Variants in SPAG9 observed in about 807,000 individuals in gnomAD.
SPAG9 encodes the protein sperm associated antigen 9, also known as C-Jun-amino-terminal kinase-interacting protein 4.
In SPAG9, 35 loss-of-function variants were observed where a neutral mutation model predicts 166.5. That is an observed-to-expected ratio of 0.21 (90% CI 0.16 to 0.28). The LOEUF (loss-of-function observed/expected upper bound fraction) is 0.28. SPAG9 is among the 10% of genes least tolerant of loss of function. The pLI, the probability that SPAG9 is intolerant of heterozygous loss-of-function variation, is 1.00. For missense variants in SPAG9, 1,235 were observed against 1,603.3 expected, an observed-to-expected ratio of 0.77 and a Z score of 3.92; for synonymous variants, 534 against 565.5, an observed-to-expected ratio of 0.94 and a Z score of 0.79.
chr17:50,994,177 G>A (rs1045607253), intron 18 of SPAG9, among the ~76,000 whole-genome samples: 1 of 152,164 alleles, frequency 6.6e-6, no homozygotes, highest in African/African-American at 2.4e-5. Flanking sequence ...TTAATCATGG[G>A]GGCCAGTCTT....
intron 6 of SPAG9, among the ~76,000 whole-genome samples, chr17:51,027,973 G>A (rs2046249595): frequency 6.6e-6 from 1 of 151,922 alleles, no homozygotes; most frequent in Non-Finnish European, 1.5e-5. Context: ...AGATGTGGAG[G>A]TGGAAGATAC....
At chr17:51,041,952 G>A (rs1598067349) in intron 4 of SPAG9, among the ~76,000 whole-genome samples, 1 of 152,192 alleles carries the variant, frequency 6.6e-6, no homozygotes, top group Non-Finnish European at 1.5e-5. Flanking sequence ...GTGGTCTGGA[G>A]AAGAGCTGCT....
At chr17:51,095,817 T>C (rs2048602501) in intron 1 of SPAG9, among the ~76,000 whole-genome samples, 1 of 133,352 alleles carries the variant, frequency 7.5e-6, no homozygotes, top group Admixed American at 8.4e-5. Flanking sequence ...GTGAGATATA[T>C]ATAGGGAGAG....
chr17:50,983,764 T>C (rs1974824847), intron 24 of SPAG9, among the ~76,000 whole-genome samples: 1 of 152,216 alleles, frequency 6.6e-6, no homozygotes, highest in African/African-American at 2.4e-5. Context: ...AAATGCTCTG[T>C]GTTTCAGTTT....
At chr17:51,056,506 G>C (rs909891772) in intron 2 of SPAG9, 24 bp from the exon 3 acceptor site, 3 of 1,436,744 alleles carry the variant, frequency 2.1e-6, no homozygotes, top group Non-Finnish European at 2.9e-6. Context: ...ACATACACTT[G>C]ATCAAAACAA....
At chr17:50,999,990 C>A (rs1053522952) in intron 13 of SPAG9, among the ~76,000 whole-genome samples, 1 of 152,136 alleles carries the variant, frequency 6.6e-6, no homozygotes, top group South Asian at 2.1e-4. Context: ...AGCCAACATG[C>A]CTGAATGATA....
At chr17:50,970,990 A>T (rs1371480777) in intron 28 of SPAG9, 134 bp from the exon 29 acceptor site, 2 of 711,844 alleles carry the variant, frequency 2.8e-6, no homozygotes, top group African/African-American at 1.8e-5. Flanking sequence ...GGGAAGCTAG[A>T]AGGCTCTGCA....
At chr17:51,109,651 C>T (rs564591553) in intron 1 of SPAG9, among the ~76,000 whole-genome samples, 2 of 152,266 alleles carry the variant, frequency 1.3e-5, no homozygotes, top group East Asian at 1.9e-4. Context: ...ATAACTGACA[C>T]ATACTGTGCT....
At chr17:51,099,759 TAAAAAAAAAAA>T (rs58721041) in intron 1 of SPAG9, among the ~76,000 whole-genome samples, 6 of 43,654 alleles carry the variant, frequency 1.4e-4, no homozygotes, top group Non-Finnish European at 1.9e-4. Flanking sequence ...CTTCTATTAC[TAAAAAAAAAAA>T]AAAAAAAAAA....
At chr17:51,006,047 C>A in intron 11 of SPAG9, 38 bp downstream of exon 11, 1 of 1,607,570 alleles carries the variant, frequency 6.2e-7, no homozygotes, top group Non-Finnish European at 8.5e-7. Flanking sequence ...GCATAACTGG[C>A]AAAGAGTTTG....
At chr17:51,114,460 T>C (rs1488250366) in intron 1 of SPAG9, among the ~76,000 whole-genome samples, 1 of 151,740 alleles carries the variant, frequency 6.6e-6, no homozygotes, top group Non-Finnish European at 1.5e-5. Flanking sequence ...TGAAACCCCA[T>C]CTCTACTAAA....
intron 5 of SPAG9, among the ~76,000 whole-genome samples, chr17:51,034,393 T>C (rs2046503597): frequency 6.6e-6 from 1 of 152,166 alleles, no homozygotes; most frequent in African/African-American, 2.4e-5. Flanking sequence ...TAGTCCAATT[T>C]TTAAGAGTGG....
intron 20 of SPAG9, 115 bp downstream of exon 20, chr17:50,990,335 T>A (rs1219922278): frequency 1.2e-6 from 1 of 856,250 alleles, no homozygotes; most frequent in African/African-American, 1.7e-5. Flanking sequence ...GCCTACAGTA[T>A]CTTCTTTCAA....
chr17:50,998,803 A>T (rs11079941), intron 14 of SPAG9, among the ~76,000 whole-genome samples, 186 bp from the exon 15 acceptor site: 36,642 of 152,262 alleles, frequency 0.24, 5,266 homozygotes, highest in Admixed American at 0.34. Context: ...AAACTCAGAC[A>T]TTCAGTGAAG....
intron 1 of SPAG9, among the ~76,000 whole-genome samples, chr17:51,088,252 C>G (rs1338363858): frequency 1.3e-5 from 2 of 152,148 alleles, no homozygotes; most frequent in African/African-American, 4.8e-5. Flanking sequence ...ATTCACAATG[C>G]CTATTCTCCA....
chr17:50,985,725 T>C lies in SPAG9; in HGVS notation c.2993A>G (p.Lys998Arg). 1 of 1,607,170 alleles carries C rather than the reference T, an allele frequency of 6.2e-7. No homozygotes were observed. Among genetic ancestry groups the C allele is most frequent in the South Asian group, 1.1e-5 (1 of 90,610 alleles). The change falls in exon 23 of 30, where the codon AAA becomes AGA. Residue 998 changes from lysine (K) to arginine (R), a missense_variant. Physicochemically the swap from Lys to Arg is conservative, Grantham distance 26. Coordinates refer to ENST00000262013, the MANE Select transcript of SPAG9 (RefSeq NM_001130528.3). ...AQWRKCLHSI[K>R]LKDSILSIVH... ...AATACTGAGAATCGAATCTTTAAGT[T>C]TAATGGAATGGAGACATTTCCTCCA... is the stretch of plus-strand genomic sequence containing the variant.
At chr17:51,114,744 G>A (rs1338564044) in intron 1 of SPAG9, among the ~76,000 whole-genome samples, 3 of 152,178 alleles carry the variant, frequency 2.0e-5, no homozygotes, top group Non-Finnish European at 2.9e-5. Context: ...TTGAGGTCAG[G>A]AGTTTTACAC....
chr17:51,054,287 T>C (rs1397454331), intron 3 of SPAG9, among the ~76,000 whole-genome samples: 1 of 151,624 alleles, frequency 6.6e-6, no homozygotes, highest in Non-Finnish European at 1.5e-5. Flanking sequence ...TGGCTATTTT[T>C]GTATATATTT....
chr17:51,081,852 T>G (rs924052562), intron 1 of SPAG9, among the ~76,000 whole-genome samples: 5 of 152,190 alleles, frequency 3.3e-5, no homozygotes, highest in Non-Finnish European at 5.9e-5. Context: ...ACCATTCTCT[T>G]ACTTCTTTGA....
Sources: allele counts gnomAD v4.1 joint callset (sites outside exome capture counted in the v4.1 genomes callset), GRCh38; gene constraint gnomAD v4.1.1; transcripts MANE v1.5; gene names NCBI Gene and HGNC (gene_info 2026-07-23, HGNC 2026-07-21).